ABTB3: variants seen among roughly 807,000 people sequenced by gnomAD.
ABTB3 encodes the protein ankyrin repeat and BTB domain containing 3, also known as ankyrin repeat- and BTB/POZ domain-containing protein 3.
the ABTB3 span, chr12:107,319,824 C>G: frequency 4.8e-6 from 6 of 1,252,340 alleles, no homozygotes; most frequent in Non-Finnish European, 5.1e-6. Context: ...GGGGGAGGAG[C>G]GGCGAGCGGC....
At chr12:107,637,545 T>C in the ABTB3 span, among the ~76,000 whole-genome samples, 1 of 152,094 alleles carries the variant, frequency 6.6e-6, no homozygotes, top group Non-Finnish European at 1.5e-5. Flanking sequence ...TATTAACAAA[T>C]GGAATATACA....
the ABTB3 span, among the ~76,000 whole-genome samples, chr12:107,338,258 A>G: frequency 9.2e-5 from 14 of 152,232 alleles, no homozygotes; most frequent in African/African-American, 2.2e-4. Flanking sequence ...TAATCAGGCT[A>G]TACTGACTGT....
chr12:107,490,567 C>G, the ABTB3 span, among the ~76,000 whole-genome samples: 1 of 152,038 alleles, frequency 6.6e-6, no homozygotes, highest in Non-Finnish European at 1.5e-5. Context: ...CTCTCATGCC[C>G]CTAGGAATCC....
At chr12:107,541,516 C>G in the ABTB3 span, among the ~76,000 whole-genome samples, 24 of 152,170 alleles carry the variant, frequency 1.6e-4, no homozygotes, top group African/African-American at 5.8e-4. Flanking sequence ...TGGGAGCTGG[C>G]AAGTCCAAAA....
At chr12:107,330,650 C>T in the ABTB3 span, among the ~76,000 whole-genome samples, 1 of 152,180 alleles carries the variant, frequency 6.6e-6, no homozygotes, top group Non-Finnish European at 1.5e-5. Context: ...TCCCAGGTTT[C>T]TGGATTTTTA....
the ABTB3 span, chr12:107,642,123 T>A: frequency 6.2e-7 from 1 of 1,614,070 alleles, no homozygotes; most frequent in Non-Finnish European, 8.5e-7. Context: ...AGCCGACAAA[T>A]GATGGCACCT....
the ABTB3 span, among the ~76,000 whole-genome samples, chr12:107,339,279 A>C: frequency 1.3e-5 from 2 of 152,174 alleles, no homozygotes; most frequent in African/African-American, 4.8e-5. Context: ...CTTAAGCCCC[A>C]CATGCCTCGG....
At chr12:107,335,821 T>C in the ABTB3 span, among the ~76,000 whole-genome samples, 2 of 151,078 alleles carry the variant, frequency 1.3e-5, no homozygotes, top group Non-Finnish European at 3.0e-5. Context: ...GTGCTGCGCT[T>C]GGAACCTTTG....
the ABTB3 span, among the ~76,000 whole-genome samples, chr12:107,380,126 G>A: frequency 6.6e-6 from 1 of 152,212 alleles, no homozygotes; most frequent in African/African-American, 2.4e-5. Context: ...GAGGTTCTCA[G>A]CACCAGCAAA....
At chr12:107,641,507 T>G in the ABTB3 span, among the ~76,000 whole-genome samples, 5 of 152,254 alleles carry the variant, frequency 3.3e-5, no homozygotes, top group Admixed American at 3.3e-4. Context: ...TGATAAGATC[T>G]CTACCCACAA....
the ABTB3 span, among the ~76,000 whole-genome samples, chr12:107,640,988 TGAG>T: frequency 6.6e-6 from 1 of 152,088 alleles, no homozygotes; most frequent in South Asian, 2.1e-4. Flanking sequence ...GATGCTGAAA[TGAG>T]GAGGAGGCAG....
the ABTB3 span, among the ~76,000 whole-genome samples, chr12:107,496,323 T>C: frequency 6.6e-6 from 1 of 152,176 alleles, no homozygotes; most frequent in African/African-American, 2.4e-5. Flanking sequence ...AGCTCCTTCT[T>C]CCTTCATTAT....
chr12:107,553,995 G>A, the ABTB3 span, among the ~76,000 whole-genome samples: 4 of 152,144 alleles, frequency 2.6e-5, no homozygotes, highest in Middle Eastern at 6.3e-3. Context: ...TGAGCAGGGA[G>A]GTAAGAGACC....
chr12:107,507,670 C>T, the ABTB3 span, among the ~76,000 whole-genome samples: 1 of 152,154 alleles, frequency 6.6e-6, no homozygotes, highest in Non-Finnish European at 1.5e-5. Flanking sequence ...AGTGTGCCAG[C>T]CACGGCCAAC....
the ABTB3 span, among the ~76,000 whole-genome samples, chr12:107,516,237 T>A: frequency 6.6e-6 from 1 of 152,050 alleles, no homozygotes; most frequent in South Asian, 2.1e-4. Flanking sequence ...TCTTTTTTTT[T>A]TTATTTTTTT....
the ABTB3 span, among the ~76,000 whole-genome samples, chr12:107,394,202 G>C: frequency 1.3e-5 from 2 of 151,476 alleles, no homozygotes; most frequent in South Asian, 4.2e-4. Flanking sequence ...AGTTCTTCGA[G>C]ATTGCCCTTG....
At chr12:107,567,599 A>G in the ABTB3 span, among the ~76,000 whole-genome samples, 451 of 152,278 alleles carry the variant, frequency 3.0e-3, 8 homozygotes, top group East Asian at 0.042. Context: ...GGGGTCCCCA[A>G]TCCCCGGCCC....
At chr12:107,575,221 G>A in the ABTB3 span, among the ~76,000 whole-genome samples, 1 of 152,228 alleles carries the variant, frequency 6.6e-6, no homozygotes, top group Non-Finnish European at 1.5e-5. Context: ...AGCATCTGCA[G>A]AGGTTTGCAT....
At chr12:107,589,434 T>C in the ABTB3 span, among the ~76,000 whole-genome samples, 1 of 152,222 alleles carries the variant, frequency 6.6e-6, no homozygotes, top group East Asian at 1.9e-4. Flanking sequence ...GACTCCAGTG[T>C]TCCTCTGTGT....
Sources: gnomAD v4.1 joint callset for allele counts (sites outside exome capture counted in the v4.1 genomes callset) on GRCh38, gnomAD v4.1.1 for gene constraint, MANE v1.5 for transcripts, NCBI Gene and HGNC (gene_info 2026-07-23, HGNC 2026-07-21) for gene names.